BCDIN3D: variants seen among roughly 807,000 people sequenced by gnomAD.
BCDIN3D encodes BCDIN3 domain containing RNA methyltransferase.
BCDIN3D carries 15 observed loss-of-function variants against 21.2 expected under a neutral mutation model. The observed-to-expected ratio is 0.71, with a 90% confidence interval of 0.47 to 1.09. The LOEUF (loss-of-function observed/expected upper bound fraction) is 1.09, where lower values mean the gene tolerates loss of function less well. Among genes scored for constraint, BCDIN3D ranks in the 50% least tolerant of loss-of-function variants. The pLI, the probability that BCDIN3D is intolerant of heterozygous loss-of-function variation, is 0.00. For synonymous variants in BCDIN3D, 127 were observed against 141.9 expected (o/e 0.90, Z 0.75); for missense variants, 331 against 366.2 (o/e 0.90, Z 0.79).
intron 1 of BCDIN3D, among the ~76,000 whole-genome samples, chr12:49,842,081 C>CTGTTT (rs776198563): frequency 6.6e-6 from 1 of 152,178 alleles, no homozygotes; most frequent in African/African-American, 2.4e-5. Context: ...TGTCAACTCA[C>CTGTTT]TGTTTTGTTT....
chr12:49,838,450 GT>G lies in BCDIN3D; in HGVS notation c.799del (p.Thr267ProfsTer2). 6.2e-7 allele frequency: 1 copy of G among 1,613,628 alleles called. No individual in the cohort carries two copies. On this transcript the variant is annotated frameshift_variant, in exon 2 of 2. Transcript: ENST00000333924. LOFTEE classifies it high-confidence loss of function. ...RSLLLFRAKQ[T>X]IETHPIPESL... Reference sequence around the variant, plus strand: ...TTCAGGGATTGGATGAGTCTCTATGGTTTGTTTTGCCCTGAAGAGCAGAAGG... The same window carrying G: ...TTCAGGGATTGGATGAGTCTCTATGGTTGTTTTGCCCTGAAGAGCAGAAGG...
At chr12:49,839,159 T>G in intron 1 of BCDIN3D, 144 bp from the exon 2 acceptor site, 1 of 942,040 alleles carries the variant, frequency 1.1e-6, no homozygotes, top group Non-Finnish European at 1.5e-6. Context: ...AAAGAGGTTG[T>G]GCAAAAATTT....
At position 49,838,899 on chromosome 12, in the gene BCDIN3D, C is replaced by G. The variant is rs759074486; in HGVS notation, c.351G>C (p.Lys117Asn). The G allele has an allele frequency of 6.2e-7, 1 of 1,614,096 alleles. No individual in the cohort carries two copies. The highest frequency in any genetic ancestry group is 1.3e-5 in the African/African-American group (1 of 74,932). The change falls in exon 2 of 2, where the codon AAG (lysine) becomes AAC (asparagine). Residue 117 changes from lysine to asparagine, a missense_variant. Transcript: ENST00000333924. ...LCCDIDPVLVKRAEKECPFPD... is the reference protein window; with the variant it reads ...LCCDIDPVLVNRAEKECPFPD... ...GAAAAGGACATTCTTTTTCGGCTCG[C>G]TTCACCAGGACTGGATCTATGTCGC...
rs573936848 is a variant in BCDIN3D, at chr12:49,837,714, G to A, written c.*657C>T. 6.6e-6 allele frequency: 1 copy of A among 150,850 alleles called. No individual in the cohort carries two copies. The highest frequency in any genetic ancestry group is 2.5e-5 in the African/African-American group (1 of 40,340). 9.3% of individuals were successfully genotyped at this position (150,850 alleles called of 1,614,324 possible). On this transcript the variant is annotated 3_prime_UTR_variant, in exon 2 of 2. Coordinates refer to ENST00000333924, the MANE Select transcript of BCDIN3D (RefSeq NM_181708.3). ...CTGCTTGCCTCAGAATCATCTGGGG[G>A]AGCTGTTAAAAATAGATGCCTCATT...
chr12:49,841,854 T>G (rs1160045826), intron 1 of BCDIN3D, among the ~76,000 whole-genome samples: 1 of 152,232 alleles, frequency 6.6e-6, no homozygotes, highest in Non-Finnish European at 1.5e-5. Flanking sequence ...TACTAACTTT[T>G]GAAGCATTTG....
chr12:49,843,104 TCTGGG>T, exon 1 of BCDIN3D: 1 of 1,583,208 alleles, frequency 6.3e-7, no homozygotes, highest in Non-Finnish European at 8.6e-7. Context: ...CAACACAGCC[TCTGGG>T]CCGTGGCGGA....
rs895311368 is a variant in BCDIN3D, at chr12:49,842,736, G to A, written c.234+118C>T. ...GCGGCACTGGCTCAGTCAAAGCCAC[G>A]CTTTATACTCGTTTTGGGAAAGTTT... On this transcript the variant is annotated intron_variant, in intron 1 of 1. Coordinates refer to ENST00000333924, the MANE Select transcript of BCDIN3D (RefSeq NM_181708.3). 1.8e-5 allele frequency: 17 copies of A among 929,052 alleles called. No individual in the cohort carries two copies. In the South Asian group the frequency reaches 2.6e-4, roughly 14 times the overall value. 57.6% of individuals were successfully genotyped at this position (929,052 alleles called of 1,614,324 possible). A position where few individuals can be genotyped will look rare whatever the true frequency, so the allele number is the denominator to read the frequency against.
chr12:49,838,846 T>C lies in BCDIN3D; in HGVS notation c.404A>G (p.Asp135Gly), dbSNP rs1285801883. 6.2e-7 allele frequency: 1 copy of C among 1,614,056 alleles called. No homozygotes were observed. The highest frequency in any genetic ancestry group is 1.3e-5 in the African/African-American group (1 of 74,924). The change falls in exon 2 of 2, where the codon GAC becomes GGC. Residue 135 changes from aspartate to glycine, a missense_variant. Physicochemically the swap from Asp to Gly is moderately conservative, Grantham distance 94. Transcript: ENST00000333924. ...FPDALTFITL[D>G]FMNQRTRKVL... ...CTTCCGGGTCCTTTGATTCATGAAG[T>C]CCAGGGTGATAAAAGTCAAGGCATC...
chr12:49,838,950 G>A lies in BCDIN3D; in HGVS notation c.300C>T (p.Ala100=), dbSNP rs772631320. The A allele has an allele frequency of 6.2e-7, 1 of 1,614,132 alleles. No homozygotes were observed. The highest frequency in any genetic ancestry group is 8.5e-7 in the Non-Finnish European group (1 of 1,180,044). Residue 100 remains alanine (A), a synonymous_variant, in exon 2 of 2, where the codon GCC becomes GCT. Coordinates refer to ENST00000333924, the MANE Select transcript of BCDIN3D (RefSeq NM_181708.3). ...AGCAGAGGAGACGGAATTCTCTTGA[G>A]GCATCTGAGCAGGTTTCCCCGTCAG... ...SLPDGETCSD[A]SREFRLLCCD...
chr12:49,840,397 C>CTA (rs567571324), intron 1 of BCDIN3D: 119 of 152,200 alleles, frequency 7.8e-4, no homozygotes, highest in African/African-American at 2.7e-3. Flanking sequence ...AAACAGTACA[C>CTA]TATAAAGAAA....
At position 49,838,403 on chromosome 12, in the gene BCDIN3D, C is replaced by G. The variant is rs1228061881; in HGVS notation, c.847G>C (p.Glu283Gln). Residue 283 changes from glutamate (E) to glutamine (Q), a missense_variant, in exon 2 of 2, where the codon GAA becomes CAA. Transcript: ENST00000333924. ...TTCTGGAAACTTAATCTGTTCTTTT[C>G]TTTCCCTTTTTCTATCAGTGATTCA... ...IPESLIEKGK[E>Q]KNRLSFQKQ 6.2e-7 allele frequency: 1 copy of G among 1,608,556 alleles called. No individual in the cohort carries two copies. Among genetic ancestry groups the G allele is most frequent in the Non-Finnish European group, 8.5e-7 (1 of 1,179,914 alleles).
intron 1 of BCDIN3D, among the ~76,000 whole-genome samples, chr12:49,841,448 C>G (rs1274386813): frequency 1.3e-5 from 2 of 152,168 alleles, no homozygotes; most frequent in African/African-American, 4.8e-5. Flanking sequence ...CATAAACGTA[C>G]AGCCAGGTTT....
In BCDIN3D at chr12:49,842,745, T is replaced by C. The variant is rs11169175; in HGVS notation, c.234+109A>G. ...GCTCAGTCAAAGCCACGCTTTATAC[T>C]CGTTTTGGGAAAGTTTCGATGGGTG... On this transcript the variant is annotated intron_variant, in intron 1 of 1. Transcript: ENST00000333924. 4,491 of 993,234 alleles carry C rather than the reference T, an allele frequency of 4.5e-3. 142 individuals are homozygous for C. The African/African-American group carries it at 0.066, about 15-fold the overall frequency. 61.5% of individuals were successfully genotyped at this position (993,234 alleles called of 1,614,324 possible).
chr12:49,839,558 T>C (rs1203833871), intron 1 of BCDIN3D: 1 of 153,984 alleles, frequency 6.5e-6, no homozygotes, highest in African/African-American at 2.4e-5. Context: ...ACCACCTCCT[T>C]CTGAGACATT....
In BCDIN3D at chr12:49,841,755, G is replaced by A. The variant is rs140978736; in HGVS notation, c.234+1099C>T. Among the ~76,000 whole-genome samples the A allele has an allele frequency of 9.0e-3, 1,368 of 152,242 alleles. 10 individuals are homozygous for A. Among genetic ancestry groups the A allele is most frequent in the South Asian group, 0.022 (106 of 4,828 alleles). On this transcript the variant is annotated intron_variant, in intron 1 of 1. Coordinates refer to ENST00000333924, the MANE Select transcript of BCDIN3D (RefSeq NM_181708.3). Reference sequence around the variant, plus strand: ...ACAAGGTCTGAAGTCGTCCCCCAAAGTCTCTTCTGTAAAAGGACAGCAACG... The same window carrying A: ...ACAAGGTCTGAAGTCGTCCCCCAAAATCTCTTCTGTAAAAGGACAGCAACG...
chr12:49,842,645 C>T, intron 1 of BCDIN3D: 1 of 544,236 alleles, frequency 1.8e-6, no homozygotes. Context: ...GGAACGTAGT[C>T]GACAAGGACT....
chr12:49,837,776 TA>T lies in BCDIN3D; in HGVS notation c.*594del, dbSNP rs375233448. 2.0e-4 allele frequency: 31 copies of T among 152,252 alleles called. No homozygotes were observed. The highest frequency in any genetic ancestry group is 1.5e-3 in the East Asian group (8 of 5,186). The allele number at this position is 152,252 out of a possible 1,614,324, so 9.4% of individuals were successfully genotyped here. ...TTAATATCACAAAATTGTATACTTT[TA>T]AAAAAATTATCAATTTATCTTTTAA... On this transcript the variant is annotated 3_prime_UTR_variant, in exon 2 of 2. Coordinates refer to ENST00000333924, the MANE Select transcript of BCDIN3D (RefSeq NM_181708.3).
At chr12:49,839,420 G>A (rs1946536594) in intron 1 of BCDIN3D, 1 of 169,448 alleles carries the variant, frequency 5.9e-6, no homozygotes. Context: ...CTCTTACCAG[G>A]AAAGTGAGGA....
At chr12:49,842,696 G>C in intron 1 of BCDIN3D, 158 bp downstream of exon 1, 1 of 659,348 alleles carries the variant, frequency 1.5e-6, no homozygotes. Context: ...GTGGAACCCT[G>C]GCGGGCAGGC....
Sources: gnomAD v4.1 joint callset for allele counts (sites outside exome capture counted in the v4.1 genomes callset) on GRCh38, gnomAD v4.1.1 for gene constraint, MANE v1.5 for transcripts, NCBI Gene and HGNC (gene_info 2026-07-23, HGNC 2026-07-21) for gene names.